The following ZSWIM6 variants were observed in gnomAD, a reference collection of about 807,000 sequenced individuals.
The protein encoded by ZSWIM6 is zinc finger SWIM-type containing 6.
Under a neutral mutation model 113.2 loss-of-function variants are expected in ZSWIM6, and 9 were observed. The observed-to-expected ratio is 0.08, with a 90% CI of 0.05 to 0.14. The LOEUF (loss-of-function observed/expected upper bound fraction) is 0.14, where lower values mean the gene tolerates loss of function less well. ZSWIM6 is among the 10% of genes least tolerant of loss of function. The pLI, the probability that ZSWIM6 is intolerant of heterozygous loss-of-function variation, is 1.00. For missense variants in ZSWIM6, 1,162 were observed against 1,552.2 expected (o/e 0.75, Z 4.22); for synonymous variants, 611 against 606.5 (o/e 1.01, Z -0.11).
At chr5:61,489,712 G>A (rs919722652) in intron 2 of ZSWIM6, among the ~76,000 whole-genome samples, 2 of 151,976 alleles carry the variant, frequency 1.3e-5, no homozygotes, top group East Asian at 1.9e-4. Flanking sequence ...AGTTTGTACC[G>A]CTATTCTATC....
chr5:61,475,568 G>A (rs1419891981), intron 2 of ZSWIM6, among the ~76,000 whole-genome samples: 1 of 152,138 alleles, frequency 6.6e-6, no homozygotes, highest in Admixed American at 6.5e-5. Context: ...GCAAACTTGA[G>A]CAGTTTATCC....
At chr5:61,437,704 C>G (rs1453097941) in intron 1 of ZSWIM6, among the ~76,000 whole-genome samples, 1 of 136,936 alleles carries the variant, frequency 7.3e-6, no homozygotes, top group African/African-American at 2.7e-5. Context: ...TTGACAGAAC[C>G]AGACCCTTTC....
chr5:61,416,265 A>T (rs892226016), intron 1 of ZSWIM6, among the ~76,000 whole-genome samples: 2 of 152,210 alleles, frequency 1.3e-5, no homozygotes, highest in Admixed American at 1.3e-4. Context: ...AGATGAGTCA[A>T]TTCTAATAAC....
chr5:61,473,820 A>C (rs1387702743), intron 2 of ZSWIM6, among the ~76,000 whole-genome samples: 1 of 152,208 alleles, frequency 6.6e-6, no homozygotes, highest in Non-Finnish European at 1.5e-5. Flanking sequence ...CTGGGACCTA[A>C]CGTTACATTT....
chr5:61,355,903 A>T (rs1312296591), intron 1 of ZSWIM6, among the ~76,000 whole-genome samples: 1 of 152,246 alleles, frequency 6.6e-6, no homozygotes, highest in African/African-American at 2.4e-5. Flanking sequence ...TAGGAAATTT[A>T]AAATTACATA....
intron 1 of ZSWIM6, chr5:61,391,798 T>G: frequency 1.1e-6 from 1 of 879,100 alleles, no homozygotes; most frequent in South Asian, 1.4e-5. Context: ...CTTCCCATGA[T>G]GCTTCCTGCT....
At chr5:61,373,596 C>G (rs1472274679) in intron 1 of ZSWIM6, among the ~76,000 whole-genome samples, 3 of 152,082 alleles carry the variant, frequency 2.0e-5, no homozygotes, top group Non-Finnish European at 4.4e-5. Context: ...ACCCTTGTCA[C>G]TGTGCAAATA....
Position 61,491,013 on chromosome 5 carries a change from T to C in ZSWIM6, c.1182+79T>C, listed in dbSNP as rs531115178. ...TATCTGAATATGATCATGTCTACAATAGGATAAAGACTTTTAAAAATTAAA... is the reference window on the plus strand; with the variant it reads ...TATCTGAATATGATCATGTCTACAACAGGATAAAGACTTTTAAAAATTAAA... On this transcript the variant is annotated intron_variant, in intron 3 of 13. Coordinates refer to ENST00000252744, the MANE Select transcript of ZSWIM6 (RefSeq NM_020928.2). The C allele has an allele frequency of 1.7e-3, 2,208 of 1,328,360 alleles. 4 individuals carry two copies. The highest frequency in any genetic ancestry group is 2.1e-3 in the Non-Finnish European group (2,121 of 1,005,926). The allele number at this position is 1,328,360 out of a possible 1,614,324, so 82.3% of individuals were successfully genotyped here. A position where few individuals can be genotyped will look rare whatever the true frequency, so the allele number is the denominator to read the frequency against.
intron 1 of ZSWIM6, among the ~76,000 whole-genome samples, chr5:61,457,484 A>G (rs112782482): frequency 2.6e-5 from 4 of 152,192 alleles, no homozygotes; most frequent in African/African-American, 7.2e-5. Context: ...AAACATAACA[A>G]TTGTGATTGA....
intron 1 of ZSWIM6, among the ~76,000 whole-genome samples, chr5:61,446,325 T>A (rs761457814): frequency 6.6e-6 from 1 of 152,214 alleles, no homozygotes; most frequent in Non-Finnish European, 1.5e-5. Context: ...AGACTACTTC[T>A]GAAAACTGAG....
At chr5:61,380,704 T>G (rs1344491036) in intron 1 of ZSWIM6, among the ~76,000 whole-genome samples, 1 of 152,192 alleles carries the variant, frequency 6.6e-6, no homozygotes, top group Non-Finnish European at 1.5e-5. Context: ...GAGATTATAC[T>G]GTTATGCACT....
intron 1 of ZSWIM6, among the ~76,000 whole-genome samples, chr5:61,380,260 G>A (rs1412389938): frequency 1.3e-5 from 2 of 152,106 alleles, no homozygotes; most frequent in Admixed American, 1.3e-4. Flanking sequence ...ATTTTTAGTA[G>A]AGACGGGGTT....
chr5:61,427,108 A>G (rs1288595992), intron 1 of ZSWIM6, among the ~76,000 whole-genome samples: 1 of 152,196 alleles, frequency 6.6e-6, no homozygotes, highest in East Asian at 1.9e-4. Flanking sequence ...TTGATGGTTC[A>G]TGACTGAATT....
chr5:61,425,498 A>G (rs1561232297), intron 1 of ZSWIM6, among the ~76,000 whole-genome samples: 1 of 152,194 alleles, frequency 6.6e-6, no homozygotes, highest in South Asian at 2.1e-4. Flanking sequence ...GTTCTAGACT[A>G]TAATTCATGC....
At chr5:61,361,948 C>T (rs1023442728) in intron 1 of ZSWIM6, among the ~76,000 whole-genome samples, 28 of 152,138 alleles carry the variant, frequency 1.8e-4, no homozygotes, top group African/African-American at 6.0e-4. Flanking sequence ...AATGATTAAC[C>T]ATTATGTGAG....
intron 4 of ZSWIM6, among the ~76,000 whole-genome samples, chr5:61,518,828 A>G (rs1749034313): frequency 6.6e-6 from 1 of 152,014 alleles, no homozygotes; most frequent in African/African-American, 2.4e-5. Context: ...TTTTTTTGCC[A>G]TTGCTTTTGG....
At chr5:61,468,486 C>T (rs577505765) in intron 1 of ZSWIM6, among the ~76,000 whole-genome samples, 184 of 152,218 alleles carry the variant, frequency 1.2e-3, no homozygotes, top group African/African-American at 4.1e-3. Context: ...TTCCACAGAG[C>T]GCAGGATTGT....
chr5:61,364,645 G>A (rs998191425), intron 1 of ZSWIM6, among the ~76,000 whole-genome samples: 5 of 152,150 alleles, frequency 3.3e-5, no homozygotes, highest in Admixed American at 2.0e-4. Context: ...TGGAGGCTGG[G>A]AAACCCAAGA....
chr5:61,504,372 G>A (rs570892985), intron 4 of ZSWIM6, among the ~76,000 whole-genome samples: 20 of 152,292 alleles, frequency 1.3e-4, no homozygotes, highest in African/African-American at 4.6e-4. Flanking sequence ...TGCATGGGGA[G>A]TGATTATACT....
Sources: allele counts gnomAD v4.1 joint callset (sites outside exome capture counted in the v4.1 genomes callset), GRCh38; gene constraint gnomAD v4.1.1; transcripts MANE v1.5; gene names NCBI Gene and HGNC (gene_info 2026-07-23, HGNC 2026-07-21).